The following LRP1B variants were observed in gnomAD, a reference collection of about 807,000 sequenced individuals.
The protein encoded by LRP1B is low-density lipoprotein receptor-related protein 1B.
In LRP1B, 217 loss-of-function variants were observed where a neutral mutation model predicts 556.6. That is an observed-to-expected ratio of 0.39 (90% CI 0.35 to 0.44). The LOEUF is 0.44. LRP1B is among the 20% of genes least tolerant of loss of function. The pLI is 1.00. For missense variants in LRP1B, 5,053 were observed against 5,620.8 expected (o/e 0.90, Z 3.23); for synonymous variants, 2,047 against 1,865.8 (o/e 1.10, Z -2.50).
At chr2:141,792,125 G>A (rs1695634621) in intron 2 of LRP1B, among the ~76,000 whole-genome samples, 1 of 151,466 alleles carries the variant, frequency 6.6e-6, no homozygotes, top group Admixed American at 6.6e-5. Flanking sequence ...TTCATCACTA[G>A]TATTCACTTT....
At chr2:140,977,972 C>T (rs1696655547) in intron 18 of LRP1B, among the ~76,000 whole-genome samples, 1 of 152,090 alleles carries the variant, frequency 6.6e-6, no homozygotes, top group African/African-American at 2.4e-5. Context: ...TTAAATTGAC[C>T]ATCCAATTCC....
chr2:141,274,589 C>A (rs62172913), intron 3 of LRP1B, among the ~76,000 whole-genome samples: 28 of 151,844 alleles, frequency 1.8e-4, no homozygotes, highest in African/African-American at 6.8e-4. Context: ...GGATGCATGG[C>A]TATTTTTGGC....
chr2:141,880,825 C>T (rs1698934081), intron 1 of LRP1B, among the ~76,000 whole-genome samples: 1 of 152,066 alleles, frequency 6.6e-6, no homozygotes, highest in Non-Finnish European at 1.5e-5. Flanking sequence ...ATGGTGAATA[C>T]ATCATCGTGA....
intron 59 of LRP1B, among the ~76,000 whole-genome samples, chr2:140,481,891 C>T (rs1024173642): frequency 2.6e-5 from 4 of 151,900 alleles, no homozygotes; most frequent in African/African-American, 4.8e-5. Context: ...TTGGATGTGC[C>T]ACACTCTTCT....
chr2:140,885,614 G>A, intron 24 of LRP1B, among the ~76,000 whole-genome samples: 1 of 151,986 alleles, frequency 6.6e-6, no homozygotes, highest in East Asian at 1.9e-4. Context: ...GCCTCCCAAT[G>A]TGCTGGGATT....
chr2:140,584,382 G>A (rs1043873459), intron 43 of LRP1B, among the ~76,000 whole-genome samples: 15 of 32,374 alleles, frequency 4.6e-4, no homozygotes, highest in Admixed American at 1.7e-3. Context: ...TGGAAGAAAT[G>A]TGCTCATATA....
chr2:140,541,007 C>A lies in LRP1B; in HGVS notation c.7479G>T (p.Gly2493=), dbSNP rs757458189. The change falls in exon 45 of 91, where the codon GGG becomes GGT. Residue 2493 remains glycine (G), a synonymous_variant. Transcript: ENST00000389484. ...TGTTGTCCTCTAGCAATATTCGGTC[C>A]CCTCTGCAGGAACAATTCACTCTCC... ...PNGRVNCSCR[G]DRILLEDNRC... 8 of 1,611,258 alleles carry A rather than the reference C, an allele frequency of 5.0e-6. No homozygotes were observed. Among genetic ancestry groups the A allele is most frequent in the Non-Finnish European group, 6.8e-6 (8 of 1,178,196 alleles).
At chr2:141,681,449 TAA>T (rs1212147801) in intron 2 of LRP1B, among the ~76,000 whole-genome samples, 2 of 152,112 alleles carry the variant, frequency 1.3e-5, no homozygotes. Context: ...TTATCTAGGA[TAA>T]AAAAAGTCAA....
At chr2:141,164,046 A>C (rs1357581542) in intron 7 of LRP1B, among the ~76,000 whole-genome samples, 1 of 152,114 alleles carries the variant, frequency 6.6e-6, no homozygotes, top group African/African-American at 2.4e-5. Flanking sequence ...TATTAATAAA[A>C]TATTGAATTC....
chr2:141,707,760 C>G (rs1007854748), intron 2 of LRP1B, among the ~76,000 whole-genome samples: 1 of 152,118 alleles, frequency 6.6e-6, no homozygotes, highest in Non-Finnish European at 1.5e-5. Context: ...ATTATCATGC[C>G]AACAATGACT....
At chr2:141,184,427 G>A (rs907957189) in intron 7 of LRP1B, among the ~76,000 whole-genome samples, 14 of 151,816 alleles carry the variant, frequency 9.2e-5, no homozygotes, top group Non-Finnish European at 1.9e-4. Context: ...TCATGTGAGA[G>A]GTGCCCACTC....
chr2:140,949,594 T>A (rs992742001), intron 20 of LRP1B, among the ~76,000 whole-genome samples: 14 of 143,650 alleles, frequency 9.7e-5, no homozygotes, highest in East Asian at 4.1e-4. Flanking sequence ...CTTTTTTTTT[T>A]ATATATTTTC....
intron 41 of LRP1B, among the ~76,000 whole-genome samples, chr2:140,671,580 T>C (rs778879454): frequency 3.9e-5 from 6 of 152,200 alleles, no homozygotes; most frequent in African/African-American, 7.2e-5. Context: ...CCAGGGAACA[T>C]GCACATTCCT....
intron 20 of LRP1B, among the ~76,000 whole-genome samples, chr2:140,945,096 A>G (rs936973307): frequency 1.3e-5 from 2 of 152,184 alleles, no homozygotes; most frequent in Non-Finnish European, 2.9e-5. Flanking sequence ...TAGCATTTTT[A>G]TACACTAATA....
intron 20 of LRP1B, among the ~76,000 whole-genome samples, chr2:140,926,313 C>G (rs1219436183): frequency 6.6e-6 from 1 of 152,036 alleles, no homozygotes; most frequent in Non-Finnish European, 1.5e-5. Context: ...GCCCTCTTGT[C>G]TTCAGAATGT....
chr2:140,283,792 T>C (rs1683015641), intron 84 of LRP1B, among the ~76,000 whole-genome samples: 4 of 151,784 alleles, frequency 2.6e-5, no homozygotes, highest in Non-Finnish European at 5.9e-5. Flanking sequence ...GACAAACTTA[T>C]AGGAGGTATT....
chr2:140,450,910 T>C (rs1177047265), intron 62 of LRP1B, among the ~76,000 whole-genome samples: 2 of 152,122 alleles, frequency 1.3e-5, no homozygotes, highest in African/African-American at 4.8e-5. Flanking sequence ...ATTTACATGT[T>C]TTCTGCAGAG....
At chr2:140,354,522 C>T (rs571871415) in intron 75 of LRP1B, among the ~76,000 whole-genome samples, 2 of 152,168 alleles carry the variant, frequency 1.3e-5, no homozygotes, top group Admixed American at 1.3e-4. Context: ...TTAACCATCA[C>T]GATTACAACA....
At chr2:140,835,287 T>A (rs1691860761) in intron 31 of LRP1B, among the ~76,000 whole-genome samples, 1 of 152,118 alleles carries the variant, frequency 6.6e-6, no homozygotes, top group East Asian at 1.9e-4. Context: ...CAGGAAAAAC[T>A]TAACTCACAG....
Sources: gnomAD v4.1 joint callset for allele counts (sites outside exome capture counted in the v4.1 genomes callset) on GRCh38, gnomAD v4.1.1 for gene constraint, MANE v1.5 for transcripts, NCBI Gene and HGNC (gene_info 2026-07-23, HGNC 2026-07-21) for gene names.